The following DOCK3 variants were observed in gnomAD, a reference collection of about 807,000 sequenced individuals.
DOCK3 encodes dedicator of cytokinesis protein 3.
DOCK3 carries 60 observed loss-of-function variants against 265.6 expected under a neutral mutation model. That is an observed-to-expected ratio of 0.23 (90% CI 0.18 to 0.28). The LOEUF (loss-of-function observed/expected upper bound fraction) is 0.28, where lower values mean the gene tolerates loss of function less well. Ranked by LOEUF, DOCK3 falls within the 10% of genes least tolerant of loss-of-function variation. The pLI, the probability that DOCK3 is intolerant of heterozygous loss-of-function variation, is 1.00. For missense variants in DOCK3, 1,981 were observed against 2,594.3 expected (o/e 0.76, Z 5.14); for synonymous variants, 881 against 938.0 (o/e 0.94, Z 1.11).
chr3:51,318,619 A>G (rs1026227007), intron 32 of DOCK3, among the ~76,000 whole-genome samples: 1 of 152,026 alleles, frequency 6.6e-6, no homozygotes, highest in Admixed American at 6.6e-5. Context: ...TTTATTGTCA[A>G]GTATGCAGCA....
chr3:50,713,543 T>C (rs2036902340), intron 1 of DOCK3, among the ~76,000 whole-genome samples: 1 of 152,192 alleles, frequency 6.6e-6, no homozygotes, highest in African/African-American at 2.4e-5. Context: ...TGTTCAAGAA[T>C]TCACAATCAC....
At chr3:51,074,080 T>C (rs988331465) in intron 6 of DOCK3, among the ~76,000 whole-genome samples, 1 of 152,242 alleles carries the variant, frequency 6.6e-6, no homozygotes, top group African/African-American at 2.4e-5. Context: ...GTTCATAGTC[T>C]AATTGAAGAG....
At chr3:51,304,979 T>C (rs2082573259) in intron 27 of DOCK3, among the ~76,000 whole-genome samples, 1 of 152,252 alleles carries the variant, frequency 6.6e-6, no homozygotes, top group Admixed American at 6.5e-5. Context: ...TGATCTGTCC[T>C]AGAGAAGGGA....
chr3:50,986,305 T>C (rs1250213317), intron 5 of DOCK3, among the ~76,000 whole-genome samples: 1 of 152,218 alleles, frequency 6.6e-6, no homozygotes, highest in African/African-American at 2.4e-5. Context: ...TATATGCCCA[T>C]TATTTTCTCC....
At chr3:51,258,162 T>C (rs145002702) in intron 22 of DOCK3, among the ~76,000 whole-genome samples, 49 of 152,310 alleles carry the variant, frequency 3.2e-4, no homozygotes, top group Middle Eastern at 3.4e-3. Flanking sequence ...GAATGTTTCA[T>C]GCCACTCATT....
At chr3:50,955,453 G>C (rs958299932) in intron 5 of DOCK3, among the ~76,000 whole-genome samples, 1 of 152,160 alleles carries the variant, frequency 6.6e-6, no homozygotes, top group African/African-American at 2.4e-5. Context: ...ATCAATGACA[G>C]ACTGGATCAA....
At chr3:50,819,726 C>T (rs1437342674) in intron 2 of DOCK3, among the ~76,000 whole-genome samples, 1 of 152,182 alleles carries the variant, frequency 6.6e-6, no homozygotes, top group African/African-American at 2.4e-5. Context: ...ATTTGGGAAG[C>T]CAGGGCAGGT....
chr3:50,761,287 C>G (rs2040517470), intron 1 of DOCK3, among the ~76,000 whole-genome samples: 1 of 152,090 alleles, frequency 6.6e-6, no homozygotes, highest in South Asian at 2.1e-4. Context: ...CCTTAATAGT[C>G]TCATGAATAT....
intron 5 of DOCK3, 49 bp from the exon 6 acceptor site, chr3:51,064,399 C>G (rs746721408): frequency 2.4e-5 from 38 of 1,599,818 alleles, no homozygotes; most frequent in Non-Finnish European, 2.9e-5. Flanking sequence ...CTTTTCATTC[C>G]TTTTCCATGT....
chr3:51,380,578 CA>C (rs2088547320), intron 52 of DOCK3, among the ~76,000 whole-genome samples: 1 of 152,192 alleles, frequency 6.6e-6, no homozygotes, highest in Admixed American at 6.5e-5. Flanking sequence ...AACTAGAATT[CA>C]GTAAAAGCAA....
At position 51,357,731 on chromosome 3, in the gene DOCK3, T is replaced by A. The variant is rs748324080; in HGVS notation, c.4684-27T>A. The A allele has an allele frequency of 1.3e-5, 21 of 1,612,946 alleles. No homozygotes were observed. The Admixed American group carries it at 1.5e-4, about 12-fold the overall frequency. On this transcript the variant is annotated intron_variant, in intron 44 of 52. Coordinates refer to ENST00000266037, the MANE Select transcript of DOCK3 (RefSeq NM_004947.5). The stretch of plus-strand genomic sequence containing the variant: ...TTAAGTAGTAGTCCTGGGAAGAGTC[T>A]TCCTGACTTGGCCTTTCCTTTCACA...
chr3:50,684,501 C>G (rs985634238), intron 1 of DOCK3, among the ~76,000 whole-genome samples: 4 of 152,148 alleles, frequency 2.6e-5, no homozygotes, highest in Non-Finnish European at 4.4e-5. Flanking sequence ...CTTTCTTGAG[C>G]CTGTTAGAGA....
intron 9 of DOCK3, among the ~76,000 whole-genome samples, chr3:51,138,717 G>A (rs1020828073): frequency 2.6e-5 from 4 of 152,190 alleles, no homozygotes; most frequent in Non-Finnish European, 2.9e-5. Flanking sequence ...TTCACAGAGC[G>A]TATAATGTGA....
At chr3:50,839,861 TG>T (rs1330254793) in intron 2 of DOCK3, among the ~76,000 whole-genome samples, 1 of 150,142 alleles carries the variant, frequency 6.7e-6, no homozygotes, top group African/African-American at 2.4e-5. Context: ...CTCTGCCTCC[TG>T]GGTTCAAGCA....
chr3:50,874,690 T>C (rs187758469), intron 3 of DOCK3, among the ~76,000 whole-genome samples: 2 of 152,270 alleles, frequency 1.3e-5, no homozygotes, highest in East Asian at 3.9e-4. Context: ...TTCCTAAGTA[T>C]TTTATTTTAT....
intron 3 of DOCK3, among the ~76,000 whole-genome samples, chr3:50,879,103 TG>T (rs1295666113): frequency 2.6e-5 from 4 of 152,196 alleles, no homozygotes; most frequent in African/African-American, 9.7e-5. Context: ...CCACCAGGCC[TG>T]CCTTACAAGA....
intron 3 of DOCK3, among the ~76,000 whole-genome samples, chr3:50,869,618 T>G (rs1381398969): frequency 6.6e-6 from 1 of 151,936 alleles, no homozygotes; most frequent in Non-Finnish European, 1.5e-5. Flanking sequence ...GTGATCCACC[T>G]GTTTTGGCCT....
intron 27 of DOCK3, among the ~76,000 whole-genome samples, chr3:51,307,878 G>GTTTTTTT (rs1197872774): frequency 1.4e-4 from 6 of 42,020 alleles, no homozygotes; most frequent in Admixed American, 1.7e-4. Flanking sequence ...AAATTATATG[G>GTTTTTTT]GTTTTTTTTT....
intron 27 of DOCK3, among the ~76,000 whole-genome samples, chr3:51,306,054 T>TG (rs1315881219): frequency 6.6e-6 from 1 of 150,564 alleles, no homozygotes; most frequent in Non-Finnish European, 1.5e-5. Flanking sequence ...GTTGTAGAGA[T>TG]GGGGTCTCGC....
Sources: allele counts gnomAD v4.1 joint callset (sites outside exome capture counted in the v4.1 genomes callset), GRCh38; gene constraint gnomAD v4.1.1; transcripts MANE v1.5; gene names NCBI Gene and HGNC (gene_info 2026-07-23, HGNC 2026-07-21).